ANKRD26: variants seen among roughly 807,000 people sequenced by gnomAD.
ANKRD26 encodes the protein ankyrin repeat domain 26.
Under a neutral mutation model 208.7 loss-of-function variants are expected in ANKRD26, and 141 were observed. That is an observed-to-expected ratio of 0.68 (90% CI 0.59 to 0.78). ANKRD26 has a LOEUF of 0.78. ANKRD26 is among the 30% of genes least tolerant of loss of function. The probability of loss-of-function intolerance (pLI) is 0.00; values close to 1 mark genes in which losing one functional copy is unlikely to be tolerated. For missense variants in ANKRD26, 1,889 were observed against 1,938.7 expected, an observed-to-expected ratio of 0.97 and a Z score of 0.48; for synonymous variants, 636 against 660.4, an observed-to-expected ratio of 0.96 and a Z score of 0.57.
downstream of ANKRD26, among the ~76,000 whole-genome samples, chr10:27,001,925 T>C (rs2052734586): frequency 6.6e-6 from 1 of 152,216 alleles, no homozygotes. Flanking sequence ...GCCTAAATAA[T>C]TTCTTTCTAT....
At chr10:27,082,945 G>C (rs1194547594) in intron 5 of ANKRD26, 112 bp from the exon 6 acceptor site, 2 of 1,372,090 alleles carry the variant, frequency 1.5e-6, no homozygotes, top group Non-Finnish European at 9.8e-7. Flanking sequence ...ACCATATCTG[G>C]AGACTATAAT....
exon 6 of ANKRD26, among the ~76,000 whole-genome samples, chr10:26,974,371 C>G (rs535932429): frequency 3.5e-4 from 52 of 148,086 alleles, no homozygotes; most frequent in South Asian, 2.3e-3. Flanking sequence ...GATGGAGTCC[C>G]GCTCTGTTGC....
At chr10:26,959,593 G>C in the ANKRD26 span, among the ~76,000 whole-genome samples, 1 of 151,740 alleles carries the variant, frequency 6.6e-6, no homozygotes, top group Non-Finnish European at 1.5e-5. Flanking sequence ...TATTTGTTTA[G>C]GAAAGCTTCC....
intron 4 of ANKRD26, among the ~76,000 whole-genome samples, chr10:26,981,508 G>GA (rs1358611999): frequency 1.3e-5 from 2 of 151,982 alleles, no homozygotes; most frequent in South Asian, 2.1e-4. Context: ...CCTGGACCAC[G>GA]AAAAAAAGGC....
At chr10:26,957,233 C>T in the ANKRD26 span, among the ~76,000 whole-genome samples, 2 of 152,088 alleles carry the variant, frequency 1.3e-5, no homozygotes, top group African/African-American at 2.4e-5. Flanking sequence ...CATGGCTGTA[C>T]AAAAATTAGC....
At chr10:27,044,043 T>C in intron 19 of ANKRD26, 114 bp downstream of exon 19, 1 of 786,876 alleles carries the variant, frequency 1.3e-6, no homozygotes, top group South Asian at 2.1e-5. Context: ...ATCCTCCCGC[T>C]TTAGCCTTCC....
the ANKRD26 span, among the ~76,000 whole-genome samples, chr10:26,964,505 T>C: frequency 6.6e-6 from 1 of 152,120 alleles, no homozygotes; most frequent in African/African-American, 2.4e-5. Context: ...CACAGAGAGC[T>C]GTTTCACAGT....
chr10:27,050,936 TA>T, intron 16 of ANKRD26: 1 of 637,054 alleles, frequency 1.6e-6, no homozygotes, highest in Non-Finnish European at 2.2e-6. Flanking sequence ...TATCTATTTC[TA>T]AACACAATTA....
Position 27,024,479 on chromosome 10 carries a change from C to T in ANKRD26, c.4053G>A (p.Lys1351=), listed in dbSNP as rs2135059243. ...SLECNLDQEM[K]KNVELEREIT... ...TCTCTCTTTCTAATTCAACATTTTT[C>T]TTCATTTCTTGATCCAAATTACATT... Residue 1351 remains lysine, a synonymous_variant, in exon 28 of 34, where the codon AAG becomes AAA. Transcript: ENST00000376087. 6.4e-7 allele frequency: 1 copy of T among 1,564,500 alleles called. No homozygotes were observed. Among genetic ancestry groups the T allele is most frequent in the East Asian group, 2.3e-5 (1 of 44,238 alleles).
At chr10:27,019,476 C>G (rs2053415823) in intron 29 of ANKRD26, among the ~76,000 whole-genome samples, 1 of 152,102 alleles carries the variant, frequency 6.6e-6, no homozygotes, top group Admixed American at 6.6e-5. Flanking sequence ...CCATCAGCAA[C>G]CAGACACATT....
At chr10:27,009,573 T>A (rs1272238490) in intron 32 of ANKRD26, among the ~76,000 whole-genome samples, 1 of 152,180 alleles carries the variant, frequency 6.6e-6, no homozygotes, top group African/African-American at 2.4e-5. Context: ...ATAACTGTCC[T>A]ATTGAGGTAG....
chr10:27,038,122 C>A, intron 21 of ANKRD26, 68 bp from the exon 22 acceptor site: 1 of 1,310,182 alleles, frequency 7.6e-7, no homozygotes, highest in South Asian at 1.2e-5. Context: ...GTGTGATATG[C>A]CGCTTTGTAT....
rs149607842 is a variant in ANKRD26 at position 27,021,370 on chromosome 10, T to A, written c.4215+1188A>T. Among the ~76,000 whole-genome samples the A allele has an allele frequency of 2.8e-3, 428 of 152,314 alleles. 2 individuals carry two copies. Among genetic ancestry groups the A allele is most frequent in the Non-Finnish European group, 4.7e-3 (318 of 68,030 alleles). On this transcript the variant is annotated intron_variant, in intron 29 of 33. Coordinates refer to ENST00000376087, the MANE Select transcript of ANKRD26 (RefSeq NM_014915.3). The stretch of plus-strand genomic sequence containing the variant: ...GTTTTCTGAAGAAACTCCACATTGT[T>A]TTTTATAATGGCTGTACTACTTTAC...
At chr10:26,990,454 C>T (rs139437583), downstream of ANKRD26, among the ~76,000 whole-genome samples, 6 of 152,200 alleles carry the variant, frequency 3.9e-5, no homozygotes, top group Admixed American at 6.5e-5. Context: ...ATTTTCAGGG[C>T]CATTAGTTCT....
rs779229874 is a variant in ANKRD26, at chr10:27,035,757, G to A, written c.2698-5C>T. On this transcript the variant is annotated splice_polypyrimidine_tract_variant and splice_region_variant and intron_variant, in intron 23 of 33. Coordinates refer to ENST00000376087, the MANE Select transcript of ANKRD26 (RefSeq NM_014915.3). ...TTCTTCATGACTATGAGAATTCTAA[G>A]TAAAACAAAGGAAACTTTGAGCTAG... 4 of 1,594,386 alleles carry A rather than the reference G, an allele frequency of 2.5e-6. No individual in the cohort carries two copies. The highest frequency in any genetic ancestry group is 2.2e-5 in the South Asian group (2 of 89,768).
chr10:26,988,769 G>A (rs2052433410), downstream of ANKRD26, among the ~76,000 whole-genome samples: 2 of 151,842 alleles, frequency 1.3e-5, no homozygotes, highest in Admixed American at 1.3e-4. Context: ...ACTCAAGCCG[G>A]GCATGATGGC....
At chr10:27,075,891 T>A (rs2055681418) in intron 9 of ANKRD26, among the ~76,000 whole-genome samples, 1 of 152,198 alleles carries the variant, frequency 6.6e-6, no homozygotes, top group Non-Finnish European at 1.5e-5. Context: ...ACTGAAATCA[T>A]ATGAAGTATC....
intron 15 of ANKRD26, among the ~76,000 whole-genome samples, chr10:27,054,517 G>C (rs117446907): frequency 6.6e-6 from 1 of 152,054 alleles, no homozygotes; most frequent in African/African-American, 2.4e-5. Flanking sequence ...CCCGGGAGGC[G>C]GAGGTTGCGG....
At chr10:26,954,353 A>C in the ANKRD26 span, among the ~76,000 whole-genome samples, 2 of 152,196 alleles carry the variant, frequency 1.3e-5, no homozygotes, top group African/African-American at 4.8e-5. Context: ...ACTATACAGG[A>C]AATTCTTTTA....
Sources: allele counts gnomAD v4.1 joint callset (sites outside exome capture counted in the v4.1 genomes callset), GRCh38; gene constraint gnomAD v4.1.1; transcripts MANE v1.5; gene names NCBI Gene and HGNC (gene_info 2026-07-23, HGNC 2026-07-21).